PRDM16: variants seen among roughly 807,000 people sequenced by gnomAD.
PRDM16 encodes the protein histone-lysine N-methyltransferase PRDM16.
PRDM16 carries 23 observed loss-of-function variants against 110.6 expected under a neutral mutation model. The observed-to-expected ratio is 0.21, with a 90% confidence interval of 0.15 to 0.29. PRDM16 has a LOEUF of 0.29. Among genes scored for constraint, PRDM16 ranks in the 10% least tolerant of loss-of-function variants. The pLI is 1.00. For missense variants in PRDM16, 1,615 were observed against 1,794.3 expected, an observed-to-expected ratio of 0.90 and a Z score of 1.81; for synonymous variants, 799 against 781.8, an observed-to-expected ratio of 1.02 and a Z score of -0.37.
rs200094642 is a variant in PRDM16 at position 3,146,946 on chromosome 1, TG to T, written c.38-39173del. On this transcript the variant is annotated intron_variant, in intron 1 of 16. Transcript: ENST00000270722. Reference sequence around the variant, plus strand: ...TGTGTGTGCACGTGTGTGCTCAGTGTGGGGGGTATGTGTGCACGTGTGCTCG... The same window carrying T: ...TGTGTGTGCACGTGTGTGCTCAGTGTGGGGGTATGTGTGCACGTGTGCTCG... 6.9e-3 allele frequency among the ~76,000 whole-genome samples: 449 copies of T among 64,834 alleles called. 2 individuals carry two copies. The highest frequency in any genetic ancestry group is 0.024 in the Admixed American group (105 of 4,316). The allele number at this position is 64,834 out of a possible 152,430, so 42.5% of individuals were successfully genotyped here. A position where few individuals can be genotyped will look rare whatever the true frequency, so the allele number is the denominator to read the frequency against.
chr1:3,253,559 T>C (rs2100227092), intron 3 of PRDM16, among the ~76,000 whole-genome samples: 1 of 151,944 alleles, frequency 6.6e-6, no homozygotes, highest in East Asian at 1.9e-4. Flanking sequence ...TATGGCTGCA[T>C]AGTATTCCAT....
chr1:3,249,250 A>T (rs1639869294), intron 3 of PRDM16, among the ~76,000 whole-genome samples: 1 of 151,896 alleles, frequency 6.6e-6, no homozygotes, highest in Admixed American at 6.6e-5. Context: ...AGGGGAGGGG[A>T]TGTGGTTGGA....
intron 1 of PRDM16, among the ~76,000 whole-genome samples, chr1:3,160,461 T>A (rs1643888950): frequency 6.6e-6 from 1 of 152,050 alleles, no homozygotes; most frequent in South Asian, 2.1e-4. Context: ...CGTGACATTG[T>A]GGAGCACAGG....
At chr1:3,207,904 T>C (rs1638790399) in intron 2 of PRDM16, 1 of 152,314 alleles carries the variant, frequency 6.6e-6, no homozygotes, top group Non-Finnish European at 1.5e-5. Context: ...AGCAAACCCC[T>C]GGGTCTTCAT....
intron 3 of PRDM16, among the ~76,000 whole-genome samples, chr1:3,274,916 G>A (rs1640548432): frequency 6.6e-6 from 1 of 152,226 alleles, no homozygotes; most frequent in South Asian, 2.1e-4. Flanking sequence ...CCTGCTCAAG[G>A]CGTTCTTGCT....
intron 2 of PRDM16, among the ~76,000 whole-genome samples, chr1:3,227,236 C>T (rs534562487): frequency 4.3e-4 from 65 of 152,374 alleles, no homozygotes; most frequent in African/African-American, 1.5e-3. Context: ...GCTCACACAC[C>T]GCAGCCCCGG....
intron 2 of PRDM16, among the ~76,000 whole-genome samples, chr1:3,192,378 G>A (rs1022343597): frequency 6.6e-6 from 1 of 152,144 alleles, no homozygotes; most frequent in Non-Finnish European, 1.5e-5. Context: ...TCCAGGCTCT[G>A]GATTAATGAC....
In PRDM16 at chr1:3,160,300, C is replaced by T. The variant is rs897550840; in HGVS notation, c.38-25825C>T. Among the ~76,000 whole-genome samples the T allele has an allele frequency of 8.5e-5, 13 of 152,198 alleles. No homozygotes were observed. The East Asian group carries it at 1.5e-3, about 18-fold the overall frequency. ...CCGTTGGCTGGTGTGGGATCATTTG[C>T]GCCTCCAGTATGACCACCTGAGACC... is the stretch of plus-strand genomic sequence containing the variant. On this transcript the variant is annotated intron_variant, in intron 1 of 16. Coordinates refer to ENST00000270722, the MANE Select transcript of PRDM16 (RefSeq NM_022114.4).
Position 3,148,179 on chromosome 1 carries a change from C to A in PRDM16, c.38-37946C>A, listed in dbSNP as rs946282407. ...GCTGGGCTGAGAGGTGGGAAGGAGC[C>A]CCCGGATGAGTGAAGAAGCTGGGTG... On this transcript the variant is annotated intron_variant, in intron 1 of 16. Coordinates refer to ENST00000270722, the MANE Select transcript of PRDM16 (RefSeq NM_022114.4). This position sits in a 1 kb window ranked among gnomAD's most constrained non-coding sequence, Gnocchi z 5.0. 2.0e-5 allele frequency among the ~76,000 whole-genome samples: 3 copies of A among 151,836 alleles called. No individual in the cohort carries two copies. The highest frequency in any genetic ancestry group is 7.3e-5 in the African/African-American group (3 of 41,328).
chr1:3,336,809 GGAGT>G (rs1570097611), intron 3 of PRDM16, among the ~76,000 whole-genome samples: 1 of 150,922 alleles, frequency 6.6e-6, no homozygotes, highest in African/African-American at 2.4e-5. Flanking sequence ...CATGTGTGTT[GGAGT>G]GAGTCTGTGT....
chr1:3,130,088 C>A (rs1033489522), intron 1 of PRDM16, among the ~76,000 whole-genome samples: 1 of 152,172 alleles, frequency 6.6e-6, no homozygotes, highest in Non-Finnish European at 1.5e-5. Flanking sequence ...CTCCTGCTCC[C>A]CCAACAGGTC....
chr1:3,157,508 G>C lies in PRDM16; in HGVS notation c.38-28617G>C, dbSNP rs1367615359. Among the ~76,000 whole-genome samples, 1 of 151,508 alleles carries C rather than the reference G, an allele frequency of 6.6e-6. No individual in the cohort carries two copies. Among genetic ancestry groups the C allele is most frequent in the Non-Finnish European group, 1.5e-5 (1 of 67,962 alleles). On this transcript the variant is annotated intron_variant, in intron 1 of 16. Transcript: ENST00000270722. This position sits in a 1 kb window ranked among gnomAD's most constrained non-coding sequence, Gnocchi z 4.8. Reference sequence around the variant, plus strand: ...AGACATGGGCCAGATCCAGTTGTTTGGTAGGATAAGGTCTTTATGGGCAGA... The same window carrying C: ...AGACATGGGCCAGATCCAGTTGTTTCGTAGGATAAGGTCTTTATGGGCAGA...
intron 1 of PRDM16, among the ~76,000 whole-genome samples, chr1:3,166,075 C>T (rs74975606): frequency 0.063 from 9,548 of 152,308 alleles, 839 homozygotes; most frequent in East Asian, 0.23. Flanking sequence ...CTCCTAGCCC[C>T]TGGTCTTTCC....
At chr1:3,082,048 G>A (rs1435038869) in intron 1 of PRDM16, among the ~76,000 whole-genome samples, 1 of 152,166 alleles carries the variant, frequency 6.6e-6, no homozygotes, top group Non-Finnish European at 1.5e-5. Flanking sequence ...ATCGAACACC[G>A]CCAGCCTCCA....
rs1450113917 is a variant in PRDM16, at chr1:3,361,870, AGGAG to A, written c.439-23275_439-23272del. Among the ~76,000 whole-genome samples the A allele has an allele frequency of 1.8e-4, 24 of 136,898 alleles. No homozygotes were observed. In the South Asian group the frequency reaches 5.6e-3, roughly 32 times the overall value. The allele number at this position is 136,898 out of a possible 152,430, so 89.8% of individuals were successfully genotyped here. ...AGGTGGTGAGAAGTGACTGTGGCCCAGGAGGGAGGGCAGGTGGTGAGAAGTGACT... is the reference window on the plus strand; with the variant it reads ...AGGTGGTGAGAAGTGACTGTGGCCCAGGAGGGCAGGTGGTGAGAAGTGACT... On this transcript the variant is annotated intron_variant, in intron 3 of 16. Coordinates refer to ENST00000270722, the MANE Select transcript of PRDM16 (RefSeq NM_022114.4).
chr1:3,414,523 C>G, intron 9 of PRDM16, 37 bp from the exon 10 acceptor site: 1 of 1,537,406 alleles, frequency 6.5e-7, no homozygotes, highest in Non-Finnish European at 8.9e-7. Context: ...GGGCGGGCGG[C>G]TCGGTGGGGT....
intron 1 of PRDM16, among the ~76,000 whole-genome samples, chr1:3,139,545 GT>G (rs1288656339): frequency 2.6e-5 from 4 of 152,272 alleles, no homozygotes; most frequent in Non-Finnish European, 5.9e-5. Context: ...GCATCCGGGG[GT>G]GCTCGGGCAC....
In PRDM16 at chr1:3,412,906, C is replaced by T. The variant is rs1199044309; in HGVS notation, c.2603+106C>T. ...CTCTTTCAAGCTCCTCCAAGGTCGT[C>T]CCCCGGCCTTTGCTGACTTCAGGAA... On this transcript the variant is annotated intron_variant, in intron 9 of 16. Coordinates refer to ENST00000270722, the MANE Select transcript of PRDM16 (RefSeq NM_022114.4). The T allele has an allele frequency of 1.7e-5, 17 of 972,754 alleles. No homozygotes were observed. The South Asian group carries it at 3.6e-4, about 21-fold the overall frequency. The allele number at this position is 972,754 out of a possible 1,614,324, so 60.3% of individuals were successfully genotyped here.
At chr1:3,166,590 C>T (rs1351874810) in intron 1 of PRDM16, among the ~76,000 whole-genome samples, 1 of 152,222 alleles carries the variant, frequency 6.6e-6, no homozygotes, top group Non-Finnish European at 1.5e-5. Context: ...AGGGGACAGT[C>T]CCTCGCATCG....
Sources: gnomAD v4.1 joint callset for allele counts (sites outside exome capture counted in the v4.1 genomes callset) on GRCh38, gnomAD v4.1.1 for gene constraint, Gnocchi (gnomAD v3.1) non-coding constraint, MANE v1.5 for transcripts, NCBI Gene and HGNC (gene_info 2026-07-23, HGNC 2026-07-21) for gene names.